The following RTN4 variants were observed in gnomAD, a reference collection of about 807,000 sequenced individuals.
RTN4 encodes the protein reticulon 4.
In RTN4, 32 loss-of-function variants were observed where a neutral mutation model predicts 90.4. The ratio of observed to expected loss-of-function variants is 0.35; its 90% CI spans 0.27 to 0.48. RTN4 has a LOEUF of 0.48. Ranked by LOEUF, RTN4 falls within the 20% of genes least tolerant of loss-of-function variation. The pLI is 0.99. For synonymous variants in RTN4, 629 were observed against 552.5 expected (o/e 1.14, Z -1.94); for missense variants, 1,706 against 1,430.2 (o/e 1.19, Z -3.11).
At chr2:54,996,223 A>G (rs189252524) in intron 3 of RTN4, among the ~76,000 whole-genome samples, 52 of 152,362 alleles carry the variant, frequency 3.4e-4, no homozygotes, top group Admixed American at 3.1e-3. Flanking sequence ...ATAATTGGAA[A>G]GACTCCTGTT....
At chr2:55,046,501 C>G (rs1214405553) in intron 1 of RTN4, among the ~76,000 whole-genome samples, 1 of 152,158 alleles carries the variant, frequency 6.6e-6, no homozygotes, top group Non-Finnish European at 1.5e-5. Context: ...CCTTCTAAGC[C>G]TGTCTTAGTG....
chr2:55,127,242 A>G, the RTN4 span, among the ~76,000 whole-genome samples: 8 of 152,298 alleles, frequency 5.3e-5, no homozygotes, highest in East Asian at 1.9e-4. Context: ...AGCTGCCCCA[A>G]GAGGTGTTCC....
intron 1 of RTN4, among the ~76,000 whole-genome samples, chr2:55,105,889 A>ACTACTCT (rs1194880522): frequency 2.6e-5 from 4 of 152,090 alleles, no homozygotes; most frequent in African/African-American, 9.7e-5. Flanking sequence ...CTGAGGCCAG[A>ACTACTCT]GGATCGCTTG....
intron 5 of RTN4, among the ~76,000 whole-genome samples, chr2:54,978,645 G>C (rs1213176054): frequency 6.6e-6 from 1 of 152,050 alleles, no homozygotes; most frequent in Non-Finnish European, 1.5e-5. Context: ...TTAGAAATGA[G>C]AGTAATTTCT....
At chr2:55,091,858 T>A (rs2972083) in intron 1 of RTN4, among the ~76,000 whole-genome samples, 135,723 of 151,808 alleles carry the variant, frequency 0.89, 60,888 homozygotes, top group Middle Eastern at 0.97. Flanking sequence ...ATAAAAAAGA[T>A]GCAAAAGCGG....
chr2:55,132,892 TGTTG>T, the RTN4 span, among the ~76,000 whole-genome samples: 2 of 22,868 alleles, frequency 8.7e-5, no homozygotes, highest in Non-Finnish European at 2.6e-4. Context: ...CCAGTTTTGT[TGTTG>T]TTTTTTTTAA....
Position 54,996,102 on chromosome 2 carries a change from C to T in RTN4, c.3014-8404G>A, listed in dbSNP as rs534474044. ...CAATCTGAAAATGAATTAAATAATT[C>T]CATTTGTAATAGCATAGAAAAAATA... On this transcript the variant is annotated intron_variant, in intron 3 of 8. Coordinates refer to ENST00000337526, the MANE Select transcript of RTN4 (RefSeq NM_020532.5). 6.6e-5 allele frequency among the ~76,000 whole-genome samples: 10 copies of T among 152,110 alleles called. No individual in the cohort carries two copies. The South Asian group carries it at 2.1e-3, about 32-fold the overall frequency.
chr2:55,124,205 G>A, the RTN4 span, among the ~76,000 whole-genome samples: 2 of 152,130 alleles, frequency 1.3e-5, no homozygotes, highest in Non-Finnish European at 2.9e-5. Context: ...GACACACCAC[G>A]GAACAAGACT....
upstream of RTN4, among the ~76,000 whole-genome samples, chr2:55,052,033 G>A (rs1345033250): frequency 1.3e-5 from 2 of 152,100 alleles, no homozygotes; most frequent in Non-Finnish European, 2.9e-5. Context: ...CTTAATTTGG[G>A]TATTAAAAAA....
chr2:55,064,995 T>C (rs1668364999), intron 2 of RTN4, among the ~76,000 whole-genome samples: 1 of 152,224 alleles, frequency 6.6e-6, no homozygotes, highest in African/African-American at 2.4e-5. Context: ...ATTATATGTG[T>C]TTGTAAACAT....
At chr2:54,993,903 T>C (rs1679218872) in intron 3 of RTN4, among the ~76,000 whole-genome samples, 1 of 152,204 alleles carries the variant, frequency 6.6e-6, no homozygotes, top group African/African-American at 2.4e-5. Flanking sequence ...TACAGAAGAA[T>C]TTCCATCTTT....
chr2:55,095,537 C>G (rs1031635177), intron 1 of RTN4, among the ~76,000 whole-genome samples: 1 of 151,928 alleles, frequency 6.6e-6, no homozygotes, highest in African/African-American at 2.4e-5. Context: ...CAGTGAAACC[C>G]TGTCTTACTT....
At chr2:55,035,559 A>C (rs1682618656) in intron 1 of RTN4, among the ~76,000 whole-genome samples, 1 of 152,148 alleles carries the variant, frequency 6.6e-6, no homozygotes, top group Non-Finnish European at 1.5e-5. Context: ...TAAAAGAGCA[A>C]GTTAAATCCA....
At chr2:55,045,474 T>C (rs577427858) in intron 1 of RTN4, among the ~76,000 whole-genome samples, 1 of 152,246 alleles carries the variant, frequency 6.6e-6, no homozygotes, top group African/African-American at 2.4e-5. Flanking sequence ...ACTACTGTAA[T>C]AGCTTTCTAA....
chr2:55,091,619 G>A (rs1166702157), intron 1 of RTN4, among the ~76,000 whole-genome samples: 1 of 152,190 alleles, frequency 6.6e-6, no homozygotes, highest in African/African-American at 2.4e-5. Flanking sequence ...CTTGAGCCCA[G>A]GAGTTTGGGA....
upstream of RTN4, among the ~76,000 whole-genome samples, chr2:55,054,371 C>T (rs952453259): frequency 7.9e-5 from 12 of 152,098 alleles, no homozygotes; most frequent in Non-Finnish European, 1.6e-4. Context: ...CAGTCTGCAC[C>T]AGGCCCTGCT....
At chr2:55,122,436 G>A in the RTN4 span, among the ~76,000 whole-genome samples, 1 of 152,212 alleles carries the variant, frequency 6.6e-6, no homozygotes, top group Non-Finnish European at 1.5e-5. Context: ...AACCTGTGTA[G>A]TCATTTGCAC....
At chr2:55,133,556 A>G in the RTN4 span, among the ~76,000 whole-genome samples, 2 of 152,204 alleles carry the variant, frequency 1.3e-5, no homozygotes, top group African/African-American at 4.8e-5. Context: ...TTCCGTTAGA[A>G]CTACTGTTCC....
At position 55,026,075 on chromosome 2, in the gene RTN4, T is replaced by C. The variant is rs2104864359; in HGVS notation, c.2024A>G (p.Glu675Gly). 6.2e-7 allele frequency: 1 copy of C among 1,610,202 alleles called. No individual in the cohort carries two copies. The highest frequency in any genetic ancestry group is 8.5e-7 in the Non-Finnish European group (1 of 1,179,058). Residue 675 changes from glutamate (E) to glycine (G), a missense_variant, in exon 3 of 9, where the codon GAA becomes GGA. Transcript: ENST00000337526. ...AATATTTTCAGGCTCTTTAATTTCT[T>C]CCTTTATTCCTGATACTTTTTTTAG... ...VSLKKVSGIK[E>G]EIKEPENINA... is the part of the protein sequence containing the mutation.
Sources: gnomAD v4.1 joint callset for allele counts (sites outside exome capture counted in the v4.1 genomes callset) on GRCh38, gnomAD v4.1.1 for gene constraint, MANE v1.5 for transcripts, NCBI Gene and HGNC (gene_info 2026-07-23, HGNC 2026-07-21) for gene names.